The following MYOZ1 variants were observed in gnomAD, a reference collection of about 807,000 sequenced individuals.
The protein encoded by MYOZ1 is myozenin 1.
Under a neutral mutation model 28.7 loss-of-function variants are expected in MYOZ1, and 20 were observed. The ratio of observed to expected loss-of-function variants is 0.70; its 90% CI spans 0.49 to 1.01. The LOEUF is 1.01. Ranked by LOEUF, MYOZ1 falls within the 50% of genes least tolerant of loss-of-function variation. The probability of loss-of-function intolerance (pLI) is 0.00; values close to 1 mark genes in which losing one functional copy is unlikely to be tolerated. For missense variants in MYOZ1, 371 were observed against 372.4 expected, an observed-to-expected ratio of 1.00 and a Z score of 0.03; for synonymous variants, 144 against 145.8, an observed-to-expected ratio of 0.99 and a Z score of 0.09.
chr10:73,640,148 A>T, intron 1 of MYOZ1, 113 bp from the exon 2 acceptor site: 1 of 836,940 alleles, frequency 1.2e-6, no homozygotes, highest in Admixed American at 2.7e-5. Context: ...GGGACAAAAA[A>T]ATTTTTTTTT....
In MYOZ1 at chr10:73,632,027, A is replaced by G. The variant is rs752951846; in HGVS notation, c.803T>C (p.Phe268Ser). 1 of 1,614,134 alleles carries G rather than the reference A, an allele frequency of 6.2e-7. No individual in the cohort carries two copies. The highest frequency in any genetic ancestry group is 8.5e-7 in the Non-Finnish European group (1 of 1,180,034). The change falls in exon 6 of 6, where the codon TTC becomes TCC. Residue 268 changes from phenylalanine (F) to serine (S), a missense_variant. By Grantham distance (155) the Phe-to-Ser change is radical (BLOSUM62 -2). Coordinates refer to ENST00000359322, the MANE Select transcript of MYOZ1 (RefSeq NM_021245.4). ...CAGCCAGGGAATAGGGGTTCGATTGAAAGAAGGCCTGTTGGAGAGGTTTTG... is the reference window on the plus strand; with the variant it reads ...CAGCCAGGGAATAGGGGTTCGATTGGAAGAAGGCCTGTTGGAGAGGTTTTG... The part of the protein sequence containing the change: ...YNQNLSNRPS[F>S]NRTPIPWLSS...
At chr10:73,635,182 C>G (rs2081660023) in intron 3 of MYOZ1, among the ~76,000 whole-genome samples, 1 of 152,020 alleles carries the variant, frequency 6.6e-6, no homozygotes, top group Non-Finnish European at 1.5e-5. Context: ...CCTCGGCCTC[C>G]CAAAGTGCCG....
At chr10:73,636,308 T>A (rs2081667054) in intron 3 of MYOZ1, among the ~76,000 whole-genome samples, 1 of 152,146 alleles carries the variant, frequency 6.6e-6, no homozygotes, top group Non-Finnish European at 1.5e-5. Flanking sequence ...ACCTGGGGCT[T>A]CTTAGGGAAT....
chr10:73,631,958 G>A lies in MYOZ1; in HGVS notation c.872C>T (p.Pro291Leu), dbSNP rs759867748. The A allele has an allele frequency of 1.9e-6, 3 of 1,613,966 alleles. No homozygotes were observed. Among genetic ancestry groups the A allele is most frequent in the South Asian group, 1.1e-5 (1 of 91,064 alleles). ...CAGCTCCTCTGTTTCTCCATCCAAG[G>A]GGATGCCAATATCCACGTTGTAGTC... ...PVDYNVDIGI[P>L]LDGETEEL is the part of the protein sequence containing the mutation. The change falls in exon 6 of 6, where the codon CCC (proline) becomes CTC (leucine). Residue 291 changes from proline (P) to leucine (L), a missense_variant. Physicochemically the swap from Pro to Leu is moderately conservative, Grantham distance 98. Transcript: ENST00000359322.
rs1013540773 is a variant in MYOZ1, at chr10:73,634,607, A to G, written c.379T>C (p.Tyr127His). The part of the protein sequence containing the change: ...QAGGSGSAGQ[Y>H]GSDQQHHLGS... ...AGATGGTGCTGCTGATCAGAGCCATACTGTCCGGCAGAGCCACTGCCCCCT... is the reference window on the plus strand; with the variant it reads ...AGATGGTGCTGCTGATCAGAGCCATGCTGTCCGGCAGAGCCACTGCCCCCT... Residue 127 changes from tyrosine (Y) to histidine (H), a missense_variant, in exon 4 of 6, where the codon TAT becomes CAT. Coordinates refer to ENST00000359322, the MANE Select transcript of MYOZ1 (RefSeq NM_021245.4). 3 of 1,613,946 alleles carry G rather than the reference A, an allele frequency of 1.9e-6. No homozygotes were observed. The highest frequency in any genetic ancestry group is 1.3e-5 in the African/African-American group (1 of 74,878).
chr10:73,632,591 G>A (rs574170741), intron 5 of MYOZ1, among the ~76,000 whole-genome samples: 1 of 149,734 alleles, frequency 6.7e-6, no homozygotes, highest in East Asian at 2.0e-4. Flanking sequence ...GTGGTGAAAC[G>A]CCATCTCTAC....
chr10:73,633,472 T>A (rs1011027386), intron 5 of MYOZ1, among the ~76,000 whole-genome samples: 2 of 152,122 alleles, frequency 1.3e-5, no homozygotes, highest in African/African-American at 4.8e-5. Flanking sequence ...CTCACCCCTG[T>A]AATCCCAGGT....
chr10:73,634,813 C>A, intron 3 of MYOZ1, 80 bp from the exon 4 acceptor site: 1 of 1,527,312 alleles, frequency 6.5e-7, no homozygotes, highest in Admixed American at 1.9e-5. Flanking sequence ...TTAGCAAAGG[C>A]AGAAATAGTG....
chr10:73,632,415 G>A (rs561041247), intron 5 of MYOZ1, among the ~76,000 whole-genome samples: 2 of 152,182 alleles, frequency 1.3e-5, no homozygotes, highest in South Asian at 4.2e-4. Flanking sequence ...GCATTTCAGA[G>A]AAAGTGACCC....
At chr10:73,633,542 G>T (rs562023214) in intron 5 of MYOZ1, among the ~76,000 whole-genome samples, 3 of 151,924 alleles carry the variant, frequency 2.0e-5, no homozygotes, top group Non-Finnish European at 2.9e-5. Context: ...CTGCCTGGGC[G>T]ATATAGCGAG....
chr10:73,636,575 C>T (rs2081668456), intron 3 of MYOZ1, among the ~76,000 whole-genome samples: 1 of 152,010 alleles, frequency 6.6e-6, no homozygotes, highest in South Asian at 2.1e-4. Flanking sequence ...CCCACCTCAC[C>T]CTCCAGAGTA....
At chr10:73,640,822 C>A (rs2081699423) in intron 1 of MYOZ1, among the ~76,000 whole-genome samples, 1 of 152,104 alleles carries the variant, frequency 6.6e-6, no homozygotes, top group Non-Finnish European at 1.5e-5. Context: ...GCCAAAAACA[C>A]TCTCCATAGG....
intron 2 of MYOZ1, among the ~76,000 whole-genome samples, chr10:73,639,290 T>G (rs2081688901): frequency 6.6e-6 from 1 of 152,008 alleles, no homozygotes; most frequent in Admixed American, 6.6e-5. Flanking sequence ...ACCTGGCTAA[T>G]TTTTGTACTT....
chr10:73,638,986 T>A (rs1246767872), intron 2 of MYOZ1, among the ~76,000 whole-genome samples: 1 of 144,854 alleles, frequency 6.9e-6, no homozygotes, highest in Non-Finnish European at 1.5e-5. Flanking sequence ...TTTTTTTTTT[T>A]AATGGAAATG....
intron 2 of MYOZ1, among the ~76,000 whole-genome samples, chr10:73,638,565 C>T (rs2081682670): frequency 6.6e-6 from 1 of 151,776 alleles, no homozygotes; most frequent in South Asian, 2.1e-4. Context: ...AACTCCTGAG[C>T]TCAACTGACC....
Position 73,631,864 on chromosome 10 carries a change from C to T in MYOZ1, c.*66G>A. ...CTGGATTAACAATGGGGGCTATCTG[C>T]TCAGCATTCCCTCTCCAAATTGGAG... On this transcript the variant is annotated 3_prime_UTR_variant, in exon 6 of 6. Coordinates refer to ENST00000359322, the MANE Select transcript of MYOZ1 (RefSeq NM_021245.4). 1 of 1,391,010 alleles carries T rather than the reference C, an allele frequency of 7.2e-7. No individual in the cohort carries two copies. Among genetic ancestry groups the T allele is most frequent in the Non-Finnish European group, 1.0e-6 (1 of 984,830 alleles). 86.2% of individuals were successfully genotyped at this position (1,391,010 alleles called of 1,614,324 possible).
intron 4 of MYOZ1, 92 bp downstream of exon 4, chr10:73,634,392 C>T: frequency 6.8e-7 from 1 of 1,463,538 alleles, no homozygotes; most frequent in Non-Finnish European, 9.2e-7. Context: ...TTAAACTGAC[C>T]TCCTCTGCTC....
At chr10:73,633,322 GAAAA>G (rs1250822950) in intron 5 of MYOZ1, among the ~76,000 whole-genome samples, 1 of 151,904 alleles carries the variant, frequency 6.6e-6, no homozygotes, top group Non-Finnish European at 1.5e-5. Flanking sequence ...AGAAAGAAAA[GAAAA>G]AAGTATAAGG....
rs200349316 is a variant in MYOZ1 at position 73,637,010 on chromosome 10, C to CTTTTTTTTTTTTTT, written c.252+733_252+734insAAAAAAAAAAAAAA. 8.0e-5 allele frequency among the ~76,000 whole-genome samples: 11 copies of CTTTTTTTTTTTTTT among 137,496 alleles called. 1 individual carries two copies. Among genetic ancestry groups the CTTTTTTTTTTTTTT allele is most frequent in the African/African-American group, 1.2e-4 (4 of 34,290 alleles). 90.2% of individuals were successfully genotyped at this position (137,496 alleles called of 152,430 possible). A position where few individuals can be genotyped will look rare whatever the true frequency, so the allele number is the denominator to read the frequency against. ...TTATCTTCTTCCTTTTTTCTTTTTT[C>CTTTTTTTTTTTTTT]TTTCTTTTTTTTTTTTTTTTGAGAC... On this transcript the variant is annotated intron_variant, in intron 3 of 5. Coordinates refer to ENST00000359322, the MANE Select transcript of MYOZ1 (RefSeq NM_021245.4).
Sources: gnomAD v4.1 joint callset for allele counts (sites outside exome capture counted in the v4.1 genomes callset) on GRCh38, gnomAD v4.1.1 for gene constraint, MANE v1.5 for transcripts, NCBI Gene and HGNC (gene_info 2026-07-23, HGNC 2026-07-21) for gene names.